TRDMT1: variants seen among roughly 807,000 people sequenced by gnomAD.
The protein encoded by TRDMT1 is tRNA aspartic acid methyltransferase 1.
TRDMT1 carries 49 observed loss-of-function variants against 51.2 expected under a neutral mutation model. That is an observed-to-expected ratio of 0.96 (90% CI 0.76 to 1.21). The LOEUF is 1.21. TRDMT1 is among the 50% of genes most tolerant of loss of function. The pLI is 0.00. For synonymous variants in TRDMT1, 187 were observed against 164.6 expected (o/e 1.14, Z -1.04); for missense variants, 534 against 462.3 (o/e 1.16, Z -1.42).
At position 17,142,973 on chromosome 10, in the gene TRDMT1, G is replaced by C. The variant is rs1012731411; in HGVS notation, c.*6067C>G. 2 of 984,440 alleles carry C rather than the reference G, an allele frequency of 2.0e-6. No homozygotes were observed. The highest frequency in any genetic ancestry group is 3.5e-5 in the African/African-American group (2 of 57,216). 61.0% of individuals were successfully genotyped at this position (984,440 alleles called of 1,614,324 possible). A position where few individuals can be genotyped will look rare whatever the true frequency, so the allele number is the denominator to read the frequency against. On this transcript the variant is annotated 3_prime_UTR_variant, in exon 11 of 11. Coordinates refer to ENST00000377799, the MANE Select transcript of TRDMT1 (RefSeq NM_004412.7). Reference sequence around the variant, plus strand: ...AATCTACACTCTCTTGTCAAGACCAGAAGTCAGAATACAGTATTTTAAAAA... The same window carrying C: ...AATCTACACTCTCTTGTCAAGACCACAAGTCAGAATACAGTATTTTAAAAA...
rs1175105759 is a variant in TRDMT1 at position 17,201,509 on chromosome 10, C to T, written c.64+62G>A. On this transcript the variant is annotated intron_variant, in intron 1 of 10. Coordinates refer to ENST00000377799, the MANE Select transcript of TRDMT1 (RefSeq NM_004412.7). ...GTCTCGCCGCTCCGCCCCTTCCCGG[C>T]GCGGGTGCTCCAACCAGCCCCCGTG... is the stretch of plus-strand genomic sequence containing the variant. 8.7e-6 allele frequency: 13 copies of T among 1,500,984 alleles called. No homozygotes were observed. In the Admixed American group the frequency reaches 2.7e-4, roughly 32 times the overall value. The allele number at this position is 1,500,984 out of a possible 1,614,324, so 93.0% of individuals were successfully genotyped here.
chr10:17,169,562 A>T, intron 2 of TRDMT1: 1 of 1,283,622 alleles, frequency 7.8e-7, no homozygotes, highest in Non-Finnish European at 1.0e-6. Context: ...AGACAAACAC[A>T]GGGAAGCACA....
chr10:17,151,081 G>C (rs2131373207), intron 10 of TRDMT1: 1 of 870,080 alleles, frequency 1.1e-6, no homozygotes, highest in Non-Finnish European at 1.4e-6. Flanking sequence ...AAGCATTGCA[G>C]TTTTTGCCAC....
intron 1 of TRDMT1, among the ~76,000 whole-genome samples, chr10:17,185,746 G>A (rs1381909248): frequency 1.3e-5 from 2 of 152,116 alleles, no homozygotes; most frequent in Non-Finnish European, 2.9e-5. Context: ...ATGAGTTCAT[G>A]TCCTTTGTAG....
At chr10:17,177,316 C>T (rs1190378911) in intron 1 of TRDMT1, among the ~76,000 whole-genome samples, 2 of 151,964 alleles carry the variant, frequency 1.3e-5, no homozygotes, top group Non-Finnish European at 2.9e-5. Context: ...ATTCTCCTGC[C>T]TCAGTCTCCA....
chr10:17,143,178 T>C lies in TRDMT1; in HGVS notation c.*5862A>G, dbSNP rs887762121. 3 of 985,324 alleles carry C rather than the reference T, an allele frequency of 3.0e-6. No homozygotes were observed. Among genetic ancestry groups the C allele is most frequent in the African/African-American group, 1.7e-5 (1 of 57,238 alleles). 61.0% of individuals were successfully genotyped at this position (985,324 alleles called of 1,614,324 possible). ...AAGACATTGTTTGAACTCCACAGTGTGGTGCTTTCTATGTAGCTTCAATAT... is the reference window on the plus strand; with the variant it reads ...AAGACATTGTTTGAACTCCACAGTGCGGTGCTTTCTATGTAGCTTCAATAT... On this transcript the variant is annotated 3_prime_UTR_variant, in exon 11 of 11. Transcript: ENST00000377799.
intron 1 of TRDMT1, among the ~76,000 whole-genome samples, chr10:17,188,465 GGCGC>G (rs1480829539): frequency 5.1e-3 from 7 of 1,374 alleles, no homozygotes; most frequent in East Asian, 0.018. Flanking sequence ...GACTGACGCT[GGCGC>G]TGGCTCTGGC....
At chr10:17,165,549 C>G (rs1183593507) in intron 3 of TRDMT1, among the ~76,000 whole-genome samples, 2 of 152,128 alleles carry the variant, frequency 1.3e-5, no homozygotes, top group Non-Finnish European at 2.9e-5. Flanking sequence ...AGCTTCTGCA[C>G]AGCAAAAGAA....
At position 17,143,122 on chromosome 10, in the gene TRDMT1, C is replaced by A. The variant is rs1837817616; in HGVS notation, c.*5918G>T. On this transcript the variant is annotated 3_prime_UTR_variant, in exon 11 of 11. Coordinates refer to ENST00000377799, the MANE Select transcript of TRDMT1 (RefSeq NM_004412.7). ...GCATGGAAGAAGTGGCAGTAACAGA[C>A]AAATTAAATAGTTTTCAAGAGAACA... The A allele has an allele frequency of 1.3e-5, 13 of 985,308 alleles. No individual in the cohort carries two copies. Among genetic ancestry groups the A allele is most frequent in the Admixed American group, 6.1e-5 (1 of 16,266 alleles). The allele number at this position is 985,308 out of a possible 1,614,324, so 61.0% of individuals were successfully genotyped here. A position where few individuals can be genotyped will look rare whatever the true frequency, so the allele number is the denominator to read the frequency against.
intron 1 of TRDMT1, among the ~76,000 whole-genome samples, chr10:17,201,080 T>C (rs747933810): frequency 6.6e-6 from 1 of 152,190 alleles, no homozygotes; most frequent in Non-Finnish European, 1.5e-5. Flanking sequence ...TACCATCCTA[T>C]TTAGCATTCG....
intron 1 of TRDMT1, among the ~76,000 whole-genome samples, chr10:17,185,203 A>T (rs901913906): frequency 6.6e-6 from 1 of 152,226 alleles, no homozygotes; most frequent in African/African-American, 2.4e-5. Context: ...GAAAGTGCAA[A>T]GACTTTTTAA....
Position 17,138,475 on chromosome 10 carries a change from C to G in TRDMT1, c.*10565G>C, listed in dbSNP as rs1837487849. Reference sequence around the variant, plus strand: ...GATGGAAATCAAGGTACATTTAAAACTATTCTTTTGCTCATTTCATGGGAA... The same window carrying G: ...GATGGAAATCAAGGTACATTTAAAAGTATTCTTTTGCTCATTTCATGGGAA... On this transcript the variant is annotated 3_prime_UTR_variant, in exon 11 of 11. Coordinates refer to ENST00000377799, the MANE Select transcript of TRDMT1 (RefSeq NM_004412.7). Among the ~76,000 whole-genome samples, 1 of 152,164 alleles carries G rather than the reference C, an allele frequency of 6.6e-6. No individual in the cohort carries two copies. Among genetic ancestry groups the G allele is most frequent in the Non-Finnish European group, 1.5e-5 (1 of 68,040 alleles).
At chr10:17,164,983 T>A (rs1840971330) in intron 3 of TRDMT1, among the ~76,000 whole-genome samples, 1 of 152,156 alleles carries the variant, frequency 6.6e-6, no homozygotes, top group Admixed American at 6.5e-5. Flanking sequence ...CCCATCAAGC[T>A]ACCAATGATT....
Position 17,144,062 on chromosome 10 carries a change from G to A in TRDMT1, c.*4978C>T, listed in dbSNP as rs1223557202. ...AAAATGGCTGAAGTTGTAGGAAAGGGTGAGAATCTCTAAGAAAAATGGCAT... is the reference window on the plus strand; with the variant it reads ...AAAATGGCTGAAGTTGTAGGAAAGGATGAGAATCTCTAAGAAAAATGGCAT... On this transcript the variant is annotated 3_prime_UTR_variant, in exon 11 of 11. Coordinates refer to ENST00000377799, the MANE Select transcript of TRDMT1 (RefSeq NM_004412.7). The A allele has an allele frequency of 2.0e-6, 2 of 985,422 alleles. No homozygotes were observed. Among genetic ancestry groups the A allele is most frequent in the Non-Finnish European group, 2.4e-6 (2 of 829,948 alleles). The allele number at this position is 985,422 out of a possible 1,614,324, so 61.0% of individuals were successfully genotyped here.
chr10:17,142,084 G>C lies in TRDMT1; in HGVS notation c.*6956C>G, dbSNP rs1424865341. 6.6e-6 allele frequency among the ~76,000 whole-genome samples: 1 copy of C among 152,114 alleles called. No individual in the cohort carries two copies. Among genetic ancestry groups the C allele is most frequent in the African/African-American group, 2.4e-5 (1 of 41,438 alleles). Reference sequence around the variant, plus strand: ...GTGGCAAGACAACTTGTAATTACCTGTTGAAGCATTTTTATGAGAGTTGCT... The same window carrying C: ...GTGGCAAGACAACTTGTAATTACCTCTTGAAGCATTTTTATGAGAGTTGCT... On this transcript the variant is annotated 3_prime_UTR_variant, in exon 11 of 11. Coordinates refer to ENST00000377799, the MANE Select transcript of TRDMT1 (RefSeq NM_004412.7).
Position 17,160,307 on chromosome 10 carries a change from A to G in TRDMT1, c.457T>C (p.Ser153Pro). 1 of 1,548,858 alleles carries G rather than the reference A, an allele frequency of 6.5e-7. No homozygotes were observed. The highest frequency in any genetic ancestry group is 8.7e-7 in the Non-Finnish European group (1 of 1,148,098). Residue 153 changes from serine to proline, a missense_variant and splice_region_variant, in exon 6 of 11, where the codon TCT becomes CCT. Coordinates refer to ENST00000377799, the MANE Select transcript of TRDMT1 (RefSeq NM_004412.7). ...GCATTTATAACTGTGATACCTACAG[A>G]GGTTGGAGATAATAGAAACTCTTGG... ...QYQEFLLSPT[S>P]LGIPNSRLRY...
chr10:17,172,973 A>T (rs1281732562), intron 2 of TRDMT1, among the ~76,000 whole-genome samples: 1 of 152,166 alleles, frequency 6.6e-6, no homozygotes, highest in Admixed American at 6.5e-5. Flanking sequence ...CAGGAAAATA[A>T]AACAAAGATA....
At position 17,145,701 on chromosome 10, in the gene TRDMT1, T is replaced by C; in HGVS notation, c.*3339A>G. On this transcript the variant is annotated 3_prime_UTR_variant, in exon 11 of 11. Coordinates refer to ENST00000377799, the MANE Select transcript of TRDMT1 (RefSeq NM_004412.7). ...GATTAAAATTTGGTCCTTATTGTGT[T>C]ATCTTGGCTTTTTTAGAAACCGCTT... 1.0e-6 allele frequency: 1 copy of C among 985,474 alleles called. No individual in the cohort carries two copies. The highest frequency in any genetic ancestry group is 1.2e-6 in the Non-Finnish European group (1 of 829,938). 61.0% of individuals were successfully genotyped at this position (985,474 alleles called of 1,614,324 possible). A position where few individuals can be genotyped will look rare whatever the true frequency, so the allele number is the denominator to read the frequency against.
At chr10:17,175,152 A>G (rs1209951238) in intron 1 of TRDMT1, among the ~76,000 whole-genome samples, 1 of 152,230 alleles carries the variant, frequency 6.6e-6, no homozygotes, top group East Asian at 1.9e-4. Context: ...TTGAGATGTA[A>G]TTCACATTTG....
Sources: allele counts gnomAD v4.1 joint callset (sites outside exome capture counted in the v4.1 genomes callset), GRCh38; gene constraint gnomAD v4.1.1; transcripts MANE v1.5; gene names NCBI Gene and HGNC (gene_info 2026-07-23, HGNC 2026-07-21).